TAFA1: variants seen among roughly 807,000 people sequenced by gnomAD.
TAFA1 encodes the protein chemokine-like protein TAFA-1.
A neutral mutation model predicts 18.5 loss-of-function variants in TAFA1; 4 were observed. That is an observed-to-expected ratio of 0.22 (90% CI 0.11 to 0.49). The LOEUF is 0.49. Ranked by LOEUF, TAFA1 falls within the 20% of genes least tolerant of loss-of-function variation. The pLI is 0.98. For synonymous variants in TAFA1, 56 were observed against 55.2 expected, an observed-to-expected ratio of 1.01 and a Z score of -0.06; for missense variants, 147 against 169.0, an observed-to-expected ratio of 0.87 and a Z score of 0.72.
At chr3:68,384,395 C>T (rs1467098388) in intron 2 of TAFA1, among the ~76,000 whole-genome samples, 1 of 151,910 alleles carries the variant, frequency 6.6e-6, no homozygotes, top group African/African-American at 2.4e-5. Flanking sequence ...TTTTAAAAAA[C>T]TTGATTTCTA....
intron 2 of TAFA1, among the ~76,000 whole-genome samples, chr3:68,120,173 CTTTCTTTCTTT>C (rs1559527494): frequency 2.6e-3 from 42 of 16,458 alleles, no homozygotes; most frequent in South Asian, 0.021. Flanking sequence ...CTTTCTTTCT[CTTTCTTTCTTT>C]CTTTCTTTCT....
intron 2 of TAFA1, among the ~76,000 whole-genome samples, chr3:68,196,376 C>CA (rs1411181488): frequency 1.3e-5 from 2 of 151,700 alleles, no homozygotes; most frequent in Non-Finnish European, 3.0e-5. Flanking sequence ...CCAAATGTAG[C>CA]AATCAATCAA....
intron 2 of TAFA1, among the ~76,000 whole-genome samples, chr3:68,361,764 G>GT (rs1276580039): frequency 6.6e-6 from 1 of 152,014 alleles, no homozygotes; most frequent in East Asian, 1.9e-4. Context: ...GTAACCTTTT[G>GT]TGTTAGGTGA....
chr3:68,455,379 A>G (rs962713848), intron 3 of TAFA1, among the ~76,000 whole-genome samples: 1 of 152,118 alleles, frequency 6.6e-6, no homozygotes, highest in Non-Finnish European at 1.5e-5. Context: ...TTCTCTAAAA[A>G]TGTTTCTATA....
chr3:68,119,203 T>C (rs1258197972), intron 2 of TAFA1, among the ~76,000 whole-genome samples: 1 of 152,144 alleles, frequency 6.6e-6, no homozygotes, highest in Non-Finnish European at 1.5e-5. Flanking sequence ...TTCAAGTCTT[T>C]GCCTAATCTT....
intron 2 of TAFA1, among the ~76,000 whole-genome samples, chr3:68,010,360 C>T (rs953894753): frequency 2.6e-5 from 4 of 152,282 alleles, no homozygotes; most frequent in African/African-American, 4.8e-5. Flanking sequence ...TGGAATTTGA[C>T]GTGATGTTCC....
At chr3:68,429,947 TACTC>T (rs774017400) in intron 3 of TAFA1, among the ~76,000 whole-genome samples, 9 of 151,962 alleles carry the variant, frequency 5.9e-5, no homozygotes, top group Admixed American at 2.0e-4. Context: ...TAGAGAGACT[TACTC>T]ACTCATTCAT....
chr3:68,310,220 C>A, intron 2 of TAFA1, among the ~76,000 whole-genome samples: 1 of 152,002 alleles, frequency 6.6e-6, no homozygotes, highest in East Asian at 1.9e-4. Flanking sequence ...TACCAATAAC[C>A]AAACCATAGA....
chr3:68,092,866 A>G (rs1430208593), intron 2 of TAFA1, among the ~76,000 whole-genome samples: 2 of 152,098 alleles, frequency 1.3e-5, no homozygotes, highest in Non-Finnish European at 2.9e-5. Flanking sequence ...TAACCCAGAG[A>G]CCAAGATTTA....
intron 2 of TAFA1, among the ~76,000 whole-genome samples, chr3:68,214,366 G>A (rs534658181): frequency 6.6e-6 from 1 of 152,022 alleles, no homozygotes; most frequent in Non-Finnish European, 1.5e-5. Flanking sequence ...TGGCCACATG[G>A]CATAGATACA....
chr3:68,261,866 T>C (rs914401871), intron 2 of TAFA1, among the ~76,000 whole-genome samples: 5 of 151,718 alleles, frequency 3.3e-5, no homozygotes, highest in African/African-American at 1.2e-4. Flanking sequence ...CGTATACATA[T>C]GTAACAAACC....
intron 3 of TAFA1, among the ~76,000 whole-genome samples, chr3:68,490,852 TG>T (rs1354301840): frequency 6.7e-6 from 1 of 149,390 alleles, no homozygotes; most frequent in African/African-American, 2.5e-5. Flanking sequence ...TTTTTTTTTG[TG>T]GGGGGGACAG....
chr3:68,174,547 C>T (rs1393457738), intron 2 of TAFA1, among the ~76,000 whole-genome samples: 1 of 152,180 alleles, frequency 6.6e-6, no homozygotes, highest in Non-Finnish European at 1.5e-5. Context: ...TTAGCAGAGA[C>T]TGGCAGCATT....
intron 2 of TAFA1, among the ~76,000 whole-genome samples, chr3:68,290,335 C>T (rs1332512010): frequency 6.6e-6 from 1 of 152,114 alleles, no homozygotes; most frequent in Non-Finnish European, 1.5e-5. Context: ...ACCATGTTAA[C>T]ATGTAAAACA....
chr3:68,262,136 A>G (rs2067438074), intron 2 of TAFA1, among the ~76,000 whole-genome samples: 1 of 151,450 alleles, frequency 6.6e-6, no homozygotes, highest in African/African-American at 2.4e-5. Context: ...CAACTTGACC[A>G]AAATACCGTC....
At chr3:68,252,585 C>T (rs2067218751) in intron 2 of TAFA1, among the ~76,000 whole-genome samples, 1 of 152,158 alleles carries the variant, frequency 6.6e-6, no homozygotes, top group Non-Finnish European at 1.5e-5. Flanking sequence ...AGGCATCTCT[C>T]TTATCATTGG....
At chr3:68,026,111 G>T (rs142235648) in intron 2 of TAFA1, among the ~76,000 whole-genome samples, 18 of 151,934 alleles carry the variant, frequency 1.2e-4, no homozygotes, top group South Asian at 4.1e-4. Context: ...CAAATCTAAC[G>T]TAAGTATTTA....
At chr3:67,994,286 A>T in the TAFA1 span, among the ~76,000 whole-genome samples, 2 of 152,226 alleles carry the variant, frequency 1.3e-5, no homozygotes, top group Non-Finnish European at 2.9e-5. Context: ...GTGAGCTGGC[A>T]ATGAGGACAC....
intron 3 of TAFA1, among the ~76,000 whole-genome samples, chr3:68,433,015 T>C (rs1474413138): frequency 6.6e-6 from 1 of 152,036 alleles, no homozygotes; most frequent in Non-Finnish European, 1.5e-5. Context: ...GCCTAATCCG[T>C]TCTTCCAAAC....
Sources: allele counts gnomAD v4.1 joint callset (sites outside exome capture counted in the v4.1 genomes callset), GRCh38; gene constraint gnomAD v4.1.1; transcripts MANE v1.5; gene names NCBI Gene and HGNC (gene_info 2026-07-23, HGNC 2026-07-21).